The following KCNIP1 variants were observed in gnomAD, a reference collection of about 807,000 sequenced individuals.
KCNIP1 encodes the protein A-type potassium channel modulatory protein KCNIP1.
KCNIP1 carries 18 observed loss-of-function variants against 33.0 expected under a neutral mutation model. The ratio of observed to expected loss-of-function variants is 0.55; its 90% CI spans 0.38 to 0.81. The LOEUF (loss-of-function observed/expected upper bound fraction) is 0.81, where lower values mean the gene tolerates loss of function less well. KCNIP1 is among the 30% of genes least tolerant of loss of function. The probability of loss-of-function intolerance (pLI) is 0.00; values close to 1 mark genes in which losing one functional copy is unlikely to be tolerated. For missense variants in KCNIP1, 238 were observed against 271.6 expected (o/e 0.88, Z 0.87); for synonymous variants, 93 against 98.3 (o/e 0.95, Z 0.32).
chr5:170,676,837 T>C (rs1372709641), intron 1 of KCNIP1, among the ~76,000 whole-genome samples: 1 of 152,180 alleles, frequency 6.6e-6, no homozygotes, highest in African/African-American at 2.4e-5. Context: ...CTAGCTAAAA[T>C]TGCATTTGAT....
intron 1 of KCNIP1, among the ~76,000 whole-genome samples, chr5:170,540,611 G>A (rs1002054162): frequency 6.6e-6 from 1 of 152,174 alleles, no homozygotes; most frequent in African/African-American, 2.4e-5. Context: ...AGAAGATTGG[G>A]CAGCCCATCC....
chr5:170,396,958 G>A (rs890621845), intron 1 of KCNIP1, among the ~76,000 whole-genome samples: 5 of 152,154 alleles, frequency 3.3e-5, no homozygotes, highest in Non-Finnish European at 7.4e-5. Context: ...ATATAGTTTG[G>A]GGTTAAAATA....
chr5:170,431,654 T>C (rs1388771886), intron 1 of KCNIP1, among the ~76,000 whole-genome samples: 1 of 152,228 alleles, frequency 6.6e-6, no homozygotes, highest in Non-Finnish European at 1.5e-5. Context: ...CCTCCTCATT[T>C]CCTTCTCAGC....
At chr5:170,648,720 A>G (rs1760892668) in intron 1 of KCNIP1, among the ~76,000 whole-genome samples, 1 of 152,166 alleles carries the variant, frequency 6.6e-6, no homozygotes, top group Admixed American at 6.5e-5. Flanking sequence ...AACACAGAGA[A>G]TGTACCAGGA....
At chr5:170,622,622 C>CA (rs371896008) in intron 1 of KCNIP1, among the ~76,000 whole-genome samples, 17,124 of 103,546 alleles carry the variant, frequency 0.17, 1,571 homozygotes, top group African/African-American at 0.25. Context: ...GACTCTGTCT[C>CA]AAAAAAAAAA....
chr5:170,602,610 T>G (rs904379377), intron 1 of KCNIP1, among the ~76,000 whole-genome samples: 7 of 152,236 alleles, frequency 4.6e-5, no homozygotes, highest in African/African-American at 1.7e-4. Context: ...GCTCACTCAC[T>G]CAGTGCTGGA....
intron 1 of KCNIP1, among the ~76,000 whole-genome samples, chr5:170,388,241 T>G (rs765944647): frequency 9.8e-5 from 15 of 152,352 alleles, no homozygotes; most frequent in Non-Finnish European, 1.9e-4. Context: ...GATTGTTGCC[T>G]GCACTGAGTG....
At chr5:170,373,036 G>C (rs186581858) in intron 1 of KCNIP1, among the ~76,000 whole-genome samples, 83 of 152,312 alleles carry the variant, frequency 5.4e-4, no homozygotes, top group African/African-American at 1.9e-3. Flanking sequence ...GTTTAGAGTT[G>C]TTGGCTTTGC....
chr5:170,602,301 C>T (rs1285529934), intron 1 of KCNIP1, among the ~76,000 whole-genome samples: 2 of 152,212 alleles, frequency 1.3e-5, no homozygotes, highest in Non-Finnish European at 2.9e-5. Flanking sequence ...ATCTTAGCCG[C>T]AAGGGACTTT....
intron 1 of KCNIP1, chr5:170,389,699 G>A (rs1764636843): frequency 6.6e-6 from 1 of 152,262 alleles, no homozygotes; most frequent in South Asian, 2.1e-4. Flanking sequence ...CATGAGGAAG[G>A]GTGGAGTTGG....
In KCNIP1 at chr5:170,489,215, G is replaced by C. The variant is rs188924791; in HGVS notation, c.88+135251G>C. On this transcript the variant is annotated intron_variant, in intron 1 of 7. Transcript: ENST00000377360. The surrounding 1 kb of genome is among the most constrained non-coding windows in gnomAD (Gnocchi z 4.3). Reference sequence around the variant, plus strand: ...GAGGTAGGGGACGATGACTCCATCTGTCACCTCGGCACTTACCCCAAAAGA... The same window carrying C: ...GAGGTAGGGGACGATGACTCCATCTCTCACCTCGGCACTTACCCCAAAAGA... 6.0e-4 allele frequency among the ~76,000 whole-genome samples: 91 copies of C among 152,332 alleles called. No individual in the cohort carries two copies. Among genetic ancestry groups the C allele is most frequent in the Admixed American group, 1.1e-3 (17 of 15,308 alleles).
At chr5:170,687,107 G>T (rs146583022) in intron 1 of KCNIP1, among the ~76,000 whole-genome samples, 1 of 151,900 alleles carries the variant, frequency 6.6e-6, no homozygotes, top group African/African-American at 2.4e-5. Context: ...CTGGCTGCTC[G>T]TCAATCACTC....
At chr5:170,723,285 G>T (rs1447109679) in intron 5 of KCNIP1, among the ~76,000 whole-genome samples, 1 of 152,166 alleles carries the variant, frequency 6.6e-6, no homozygotes, top group African/African-American at 2.4e-5. Context: ...AACCGCCAAG[G>T]GGGTAATGGA....
intron 5 of KCNIP1, among the ~76,000 whole-genome samples, chr5:170,724,768 G>C (rs987753356): frequency 6.6e-6 from 1 of 152,030 alleles, no homozygotes; most frequent in Non-Finnish European, 1.5e-5. Context: ...CAACAAAACA[G>C]GTGCAAGACT....
At chr5:170,471,351 A>G (rs1322930505) in intron 1 of KCNIP1, among the ~76,000 whole-genome samples, 1 of 152,234 alleles carries the variant, frequency 6.6e-6, no homozygotes, top group Non-Finnish European at 1.5e-5. Flanking sequence ...CCCAGTCCCA[A>G]TACCTTGTCC....
At chr5:170,652,880 G>T (rs950855438) in intron 1 of KCNIP1, among the ~76,000 whole-genome samples, 3 of 152,204 alleles carry the variant, frequency 2.0e-5, no homozygotes, top group Non-Finnish European at 4.4e-5. Flanking sequence ...GCTCTGAGTG[G>T]TTCAGCAAAC....
intron 1 of KCNIP1, among the ~76,000 whole-genome samples, chr5:170,613,630 G>T (rs964007344): frequency 6.6e-6 from 1 of 152,196 alleles, no homozygotes; most frequent in East Asian, 1.9e-4. Flanking sequence ...AAGAAAAGGA[G>T]GCGGGGAGGG....
At chr5:170,698,541 T>C (rs1762977177) in intron 1 of KCNIP1, among the ~76,000 whole-genome samples, 1 of 152,068 alleles carries the variant, frequency 6.6e-6, no homozygotes, top group Non-Finnish European at 1.5e-5. Context: ...CATGAGATAG[T>C]GCACATGAAG....
Position 170,605,488 on chromosome 5 carries a change from C to T in KCNIP1, c.61+100855C>T, listed in dbSNP as rs76712349. ...GGATGCAATTCAGTGGCATTAATTACATTCACAACGGCATGCAGCCATCAC... is the reference window on the plus strand; with the variant it reads ...GGATGCAATTCAGTGGCATTAATTATATTCACAACGGCATGCAGCCATCAC... On this transcript the variant is annotated intron_variant, in intron 1 of 7. Transcript: ENST00000328939. Among the ~76,000 whole-genome samples, 79 of 152,278 alleles carry T rather than the reference C, an allele frequency of 5.2e-4. No homozygotes were observed. The East Asian group carries it at 0.013, about 24-fold the overall frequency.
Sources: allele counts gnomAD v4.1 joint callset (sites outside exome capture counted in the v4.1 genomes callset), GRCh38; gene constraint gnomAD v4.1.1; non-coding constraint Gnocchi (gnomAD v3.1); transcripts MANE v1.5; gene names NCBI Gene and HGNC (gene_info 2026-07-23, HGNC 2026-07-21).